Variants in CSMD3 observed in about 807,000 individuals in gnomAD.
CSMD3 encodes CUB and sushi domain-containing protein 3.
In CSMD3, 177 loss-of-function variants were observed where a neutral mutation model predicts 435.2. The observed-to-expected ratio is 0.41, with a 90% CI of 0.36 to 0.46. The LOEUF (loss-of-function observed/expected upper bound fraction) is 0.46, where lower values mean the gene tolerates loss of function less well. CSMD3 is among the 20% of genes least tolerant of loss of function. The pLI is 0.34. For synonymous variants in CSMD3, 1,656 were observed against 1,520.5 expected (o/e 1.09, Z -2.07); for missense variants, 4,265 against 4,504.6 (o/e 0.95, Z 1.52).
chr8:113,278,000 T>C (rs1000855303), intron 3 of CSMD3, among the ~76,000 whole-genome samples: 1 of 151,992 alleles, frequency 6.6e-6, no homozygotes, highest in Non-Finnish European at 1.5e-5. Flanking sequence ...CTAAGCGTGA[T>C]AAATAAAGAT....
At chr8:113,053,980 T>A (rs2131337307) in intron 5 of CSMD3, among the ~76,000 whole-genome samples, 1 of 152,274 alleles carries the variant, frequency 6.6e-6, no homozygotes, top group South Asian at 2.1e-4. Flanking sequence ...CAGTTCAACA[T>A]CTTAATGGTG....
chr8:112,741,794 A>AGAAGATAGAT (rs151301351), intron 13 of CSMD3, among the ~76,000 whole-genome samples: 2 of 149,352 alleles, frequency 1.3e-5, no homozygotes, highest in African/African-American at 5.0e-5. Flanking sequence ...AGATAGAGAG[A>AGAAGATAGAT]AGATAGATAG....
rs71309796 is a variant in CSMD3, at chr8:112,926,240, A to ATGTGTGTG, written c.1509-4497_1509-4490dup. On this transcript the variant is annotated intron_variant, in intron 9 of 70. Transcript: ENST00000297405. ...TAAGAAAAACTTACACTCATTAAATATGTGTGTGTGTGTGTGTGAGCGTGT... is the reference window on the plus strand; with the variant it reads ...TAAGAAAAACTTACACTCATTAAATATGTGTGTGTGTGTGTGTGTGTGTGTGAGCGTGT... Among the ~76,000 whole-genome samples, 118 of 150,392 alleles carry ATGTGTGTG rather than the reference A, an allele frequency of 7.8e-4. 2 individuals carry two copies. The East Asian group carries it at 0.02, about 26-fold the overall frequency.
intron 7 of CSMD3, among the ~76,000 whole-genome samples, chr8:112,974,400 T>C (rs78219795): frequency 0.047 from 7,198 of 151,962 alleles, 230 homozygotes; most frequent in Non-Finnish European, 0.069. Flanking sequence ...CCTCCTTCTA[T>C]ATGATGGGTA....
chr8:112,646,183 TAC>T (rs769492638), intron 19 of CSMD3, among the ~76,000 whole-genome samples: 12 of 152,192 alleles, frequency 7.9e-5, no homozygotes, highest in Non-Finnish European at 1.5e-4. Context: ...AGTTAAAACC[TAC>T]AGTCTCTACT....
Position 112,757,832 on chromosome 8 carries a change from T to G in CSMD3, c.1972+42330A>C, listed in dbSNP as rs572747417. Among the ~76,000 whole-genome samples the G allele has an allele frequency of 8.6e-5, 13 of 151,956 alleles. No homozygotes were observed. In the South Asian group the frequency reaches 2.7e-3, roughly 32 times the overall value. ...ACTTTGGGAGGCTGAGGCAGGAGGA[T>G]TGCTTGATCCCAAGAGTTTGAGACC... On this transcript the variant is annotated intron_variant, in intron 13 of 70. Transcript: ENST00000297405.
At chr8:112,977,510 C>G (rs923163963) in intron 6 of CSMD3, among the ~76,000 whole-genome samples, 1 of 151,928 alleles carries the variant, frequency 6.6e-6, no homozygotes, top group African/African-American at 2.4e-5. Flanking sequence ...ATTAGTAGGA[C>G]TAATAATTCT....
At chr8:112,965,040 GT>G (rs2084366298) in intron 7 of CSMD3, among the ~76,000 whole-genome samples, 1 of 151,978 alleles carries the variant, frequency 6.6e-6, no homozygotes, top group Non-Finnish European at 1.5e-5. Flanking sequence ...TGTTGCAAAA[GT>G]GGGTGAAAAT....
At chr8:113,276,617 C>T (rs966061971) in intron 3 of CSMD3, among the ~76,000 whole-genome samples, 1 of 152,018 alleles carries the variant, frequency 6.6e-6, no homozygotes, top group South Asian at 2.1e-4. Flanking sequence ...ACCCAGCCCA[C>T]TGAAATTTTT....
At chr8:112,342,488 T>A (rs181200415) in intron 41 of CSMD3, among the ~76,000 whole-genome samples, 1 of 152,290 alleles carries the variant, frequency 6.6e-6, no homozygotes, top group African/African-American at 2.4e-5. Flanking sequence ...TTAAGTTATT[T>A]ATATTTGCTA....
At chr8:113,305,736 T>C (rs1251548974) in intron 2 of CSMD3, among the ~76,000 whole-genome samples, 1 of 152,214 alleles carries the variant, frequency 6.6e-6, no homozygotes, top group Non-Finnish European at 1.5e-5. Context: ...ATCCTATCTG[T>C]CCTTGAGATC....
At chr8:112,298,992 A>G (rs62514397) in intron 53 of CSMD3, among the ~76,000 whole-genome samples, 30,559 of 152,078 alleles carry the variant, frequency 0.2, 3,657 homozygotes, top group East Asian at 0.36. Context: ...GAATGGCTGA[A>G]ATGTGGCATA....
chr8:112,750,727 GATC>G (rs2077549575), intron 13 of CSMD3, among the ~76,000 whole-genome samples: 1 of 152,010 alleles, frequency 6.6e-6, no homozygotes, highest in South Asian at 2.1e-4. Flanking sequence ...ACAGAGTTCA[GATC>G]ATACAGTGTT....
chr8:112,846,237 A>AACATGTTAAAAAAGAAATATTCTTTTTTC (rs1564019088), intron 11 of CSMD3, among the ~76,000 whole-genome samples: 10 of 151,540 alleles, frequency 6.6e-5, no homozygotes, highest in Admixed American at 5.9e-4. Context: ...ATTCTTTTTT[A>AACATGTTAAAAAAGAAATATTCTTTTTTC]ACATGTTAAA....
At chr8:113,435,140 G>C (rs777580917) in intron 1 of CSMD3, among the ~76,000 whole-genome samples, 14 of 152,144 alleles carry the variant, frequency 9.2e-5, no homozygotes, top group Non-Finnish European at 1.5e-4. Context: ...AAGAAACCTT[G>C]TAAGCAACCT....
intron 5 of CSMD3, among the ~76,000 whole-genome samples, chr8:113,086,410 C>T (rs2089781883): frequency 2.0e-5 from 3 of 151,908 alleles, no homozygotes; most frequent in East Asian, 3.9e-4. Context: ...TAAATTGAAC[C>T]TGTAGAAGTA....
At chr8:112,392,867 T>C (rs1830551279) in intron 35 of CSMD3, among the ~76,000 whole-genome samples, 1 of 139,626 alleles carries the variant, frequency 7.2e-6, no homozygotes. Flanking sequence ...TTTTTTTCTT[T>C]TTTTTTTTTT....
rs1489294306 is a variant in CSMD3, at chr8:113,098,594, C to A, written c.917+162G>T. 7 of 611,242 alleles carry A rather than the reference C, an allele frequency of 1.1e-5. No individual in the cohort carries two copies. In the Admixed American group the frequency reaches 1.2e-4, roughly 10 times the overall value. The allele number at this position is 611,242 out of a possible 1,614,324, so 37.9% of individuals were successfully genotyped here. A position where few individuals can be genotyped will look rare whatever the true frequency, so the allele number is the denominator to read the frequency against. On this transcript the variant is annotated intron_variant, in intron 5 of 70. Transcript: ENST00000297405. ...TCATCTATTTTTTATGTAAATAGCT[C>A]GATCTTCAAAAATATCCTTCAGCTC...
chr8:113,120,816 T>C (rs2090964971), intron 4 of CSMD3, among the ~76,000 whole-genome samples: 1 of 152,182 alleles, frequency 6.6e-6, no homozygotes, highest in South Asian at 2.1e-4. Context: ...AAGCCAAATG[T>C]AAATGAGTTC....
Sources: allele counts gnomAD v4.1 joint callset (sites outside exome capture counted in the v4.1 genomes callset), GRCh38; gene constraint gnomAD v4.1.1; transcripts MANE v1.5; gene names NCBI Gene and HGNC (gene_info 2026-07-23, HGNC 2026-07-21).